Variants in TMOD1 observed in about 807,000 individuals in gnomAD.
The protein encoded by TMOD1 is tropomodulin 1.
A neutral mutation model predicts 40.6 loss-of-function variants in TMOD1; 17 were observed. The ratio of observed to expected loss-of-function variants is 0.42; its 90% CI spans 0.29 to 0.63. TMOD1 has a LOEUF of 0.63. Ranked by LOEUF, TMOD1 falls within the 20% of genes least tolerant of loss-of-function variation. TMOD1 has a pLI of 0.22. For synonymous variants in TMOD1, 181 were observed against 175.0 expected (o/e 1.03, Z -0.27); for missense variants, 391 against 447.6 (o/e 0.87, Z 1.14).
At chr9:97,550,689 C>T (rs1830437682) in intron 3 of TMOD1, among the ~76,000 whole-genome samples, 2 of 152,096 alleles carry the variant, frequency 1.3e-5, no homozygotes, top group African/African-American at 4.8e-5. Flanking sequence ...AATGTTTATT[C>T]AAGTCTTTTA....
intron 8 of TMOD1, among the ~76,000 whole-genome samples, chr9:97,581,292 A>G (rs995012010): frequency 6.8e-6 from 1 of 146,672 alleles, no homozygotes; most frequent in African/African-American, 2.5e-5. Context: ...ATGATTTCCA[A>G]TTTCATCCAT....
intron 2 of TMOD1, among the ~76,000 whole-genome samples, chr9:97,542,468 A>T (rs1385351756): frequency 6.6e-6 from 1 of 152,254 alleles, no homozygotes; most frequent in African/African-American, 2.4e-5. Flanking sequence ...TTTGAAATAC[A>T]TTAAAAAATC....
At chr9:97,519,572 CT>C (rs1829882899) in intron 1 of TMOD1, among the ~76,000 whole-genome samples, 1 of 152,204 alleles carries the variant, frequency 6.6e-6, no homozygotes, top group South Asian at 2.1e-4. Context: ...CCCTCTCAGA[CT>C]TTCAGTCCCT....
At chr9:97,572,312 T>A (rs1387889273) in intron 8 of TMOD1, among the ~76,000 whole-genome samples, 1 of 151,718 alleles carries the variant, frequency 6.6e-6, no homozygotes, top group Non-Finnish European at 1.5e-5. Flanking sequence ...TCGGAGAGCT[T>A]TGAATGGGTA....
At chr9:97,585,662 C>G (rs1825853944) in intron 8 of TMOD1, among the ~76,000 whole-genome samples, 1 of 123,666 alleles carries the variant, frequency 8.1e-6, no homozygotes, top group South Asian at 2.5e-4. Flanking sequence ...TAGATTTGGT[C>G]TTTTCACATG....
chr9:97,565,158 G>A (rs1192484606), intron 6 of TMOD1, among the ~76,000 whole-genome samples: 4 of 152,232 alleles, frequency 2.6e-5, no homozygotes, highest in African/African-American at 9.6e-5. Context: ...ATGAGGGATG[G>A]AATCTCCCTG....
chr9:97,591,179 A>C, intron 8 of TMOD1, 112 bp from the exon 9 acceptor site: 3 of 1,192,730 alleles, frequency 2.5e-6, no homozygotes, highest in Non-Finnish European at 3.4e-6. Context: ...AGAGGAGGCT[A>C]AAATCCCCTC....
intron 1 of TMOD1, among the ~76,000 whole-genome samples, chr9:97,510,678 G>A (rs1217892163): frequency 6.6e-6 from 1 of 152,234 alleles, no homozygotes; most frequent in Non-Finnish European, 1.5e-5. Context: ...GACCATGGGA[G>A]ACAGAGATGT....
At chr9:97,506,739 C>G (rs1249609517) in intron 1 of TMOD1, among the ~76,000 whole-genome samples, 1 of 152,194 alleles carries the variant, frequency 6.6e-6, no homozygotes, top group Admixed American at 6.5e-5. Flanking sequence ...TCATCCAATT[C>G]CAGAAAACTG....
At chr9:97,544,700 T>C (rs572834419) in intron 2 of TMOD1, among the ~76,000 whole-genome samples, 1 of 152,168 alleles carries the variant, frequency 6.6e-6, no homozygotes, top group African/African-American at 2.4e-5. Flanking sequence ...TGACAGTGAC[T>C]GAAGATATGC....
rs578212919 is a variant in TMOD1, at chr9:97,535,620, C to T, written c.121-10565C>T. 3.5e-3 allele frequency among the ~76,000 whole-genome samples: 539 copies of T among 152,332 alleles called. 2 individuals carry two copies. The highest frequency in any genetic ancestry group is 5.6e-3 in the Non-Finnish European group (380 of 68,036). ...TCAGGATACCCAGTCCCCAGCACAA[C>T]AGGAACATGGAACATTTTCCCTGCA... On this transcript the variant is annotated intron_variant, in intron 2 of 9. Transcript: ENST00000259365.
chr9:97,572,241 T>C (rs1830829826), intron 8 of TMOD1, among the ~76,000 whole-genome samples: 1 of 152,020 alleles, frequency 6.6e-6, no homozygotes, highest in Non-Finnish European at 1.5e-5. Flanking sequence ...GGGAAAGCCA[T>C]GGAGCCCATC....
At chr9:97,563,905 C>A in intron 5 of TMOD1, 133 bp from the exon 6 acceptor site, 1 of 1,201,864 alleles carries the variant, frequency 8.3e-7, no homozygotes, top group Admixed American at 2.5e-5. Flanking sequence ...CCCCCTACCC[C>A]CACCCAGCCC....
chr9:97,553,749 C>G (rs577237075), intron 4 of TMOD1, among the ~76,000 whole-genome samples: 5 of 152,146 alleles, frequency 3.3e-5, no homozygotes, highest in Non-Finnish European at 5.9e-5. Context: ...GGAAAACAGA[C>G]AGAGGGCCTC....
In TMOD1 at chr9:97,548,169, C is replaced by T. The variant is rs947216758; in HGVS notation, c.277+1828C>T. Among the ~76,000 whole-genome samples the T allele has an allele frequency of 6.6e-5, 10 of 152,272 alleles. 1 individual carries two copies. The South Asian group carries it at 1.5e-3, about 22-fold the overall frequency. On this transcript the variant is annotated intron_variant, in intron 3 of 9. Coordinates refer to ENST00000259365, the MANE Select transcript of TMOD1 (RefSeq NM_003275.4). Reference sequence around the variant, plus strand: ...TTTCAGTCTCTTCCATTCCCTCCACCCCTAAGAATGCAAGCATTGTGAGCC... The same window carrying T: ...TTTCAGTCTCTTCCATTCCCTCCACTCCTAAGAATGCAAGCATTGTGAGCC...
At chr9:97,535,374 C>T (rs918083857) in intron 2 of TMOD1, among the ~76,000 whole-genome samples, 1 of 152,176 alleles carries the variant, frequency 6.6e-6, no homozygotes, top group African/African-American at 2.4e-5. Context: ...GGCCATGCCG[C>T]CCTCATCTGC....
chr9:97,523,672 T>G (rs929615768), intron 1 of TMOD1, among the ~76,000 whole-genome samples: 1 of 152,200 alleles, frequency 6.6e-6, no homozygotes, highest in African/African-American at 2.4e-5. Context: ...TTGTAAGGAT[T>G]GAATGAGATG....
chr9:97,581,428 G>A (rs9299231), intron 8 of TMOD1, among the ~76,000 whole-genome samples: 1 of 151,384 alleles, frequency 6.6e-6, no homozygotes, highest in Non-Finnish European at 1.5e-5. Flanking sequence ...AAGTCTTTGC[G>A]ATTGTGAATA....
chr9:97,546,820 TCAG>T (rs1830366871), intron 3 of TMOD1, among the ~76,000 whole-genome samples: 2 of 148,716 alleles, frequency 1.3e-5, no homozygotes, highest in Non-Finnish European at 3.0e-5. Flanking sequence ...TCCCAGCTAC[TCAG>T]GAGGCTGAGG....
Sources: gnomAD v4.1 joint callset for allele counts (sites outside exome capture counted in the v4.1 genomes callset) on GRCh38, gnomAD v4.1.1 for gene constraint, MANE v1.5 for transcripts, NCBI Gene and HGNC (gene_info 2026-07-23, HGNC 2026-07-21) for gene names.